KCNT2: variants seen among roughly 807,000 people sequenced by gnomAD.
The protein encoded by KCNT2 is potassium channel subfamily T member 2.
KCNT2 carries 67 observed loss-of-function variants against 153.8 expected under a neutral mutation model. The observed-to-expected ratio is 0.44, with a 90% CI of 0.36 to 0.53. The LOEUF (loss-of-function observed/expected upper bound fraction) is 0.53, where lower values mean the gene tolerates loss of function less well. Ranked by LOEUF, KCNT2 falls within the 20% of genes least tolerant of loss-of-function variation. KCNT2 has a pLI of 0.00. For synonymous variants in KCNT2, 500 were observed against 458.8 expected, an observed-to-expected ratio of 1.09 and a Z score of -1.15; for missense variants, 975 against 1,354.8, an observed-to-expected ratio of 0.72 and a Z score of 4.40.
intron 27 of KCNT2, among the ~76,000 whole-genome samples, chr1:196,234,755 A>C (rs1234867938): frequency 1.3e-5 from 2 of 151,416 alleles, no homozygotes; most frequent in African/African-American, 2.4e-5. Flanking sequence ...AGCATAACAA[A>C]ATGTTCTCAG....
intron 14 of KCNT2, among the ~76,000 whole-genome samples, chr1:196,355,945 G>T (rs1349078403): frequency 1.3e-5 from 2 of 151,708 alleles, no homozygotes; most frequent in Non-Finnish European, 2.9e-5. Context: ...CTATTCAAGT[G>T]CTTCATGCCA....
intron 23 of KCNT2, among the ~76,000 whole-genome samples, chr1:196,282,654 G>A (rs1285446630): frequency 6.6e-6 from 1 of 151,978 alleles, no homozygotes; most frequent in Non-Finnish European, 1.5e-5. Flanking sequence ...AATTTTTAAA[G>A]CAAAAACCCC....
chr1:196,253,641 C>T (rs1374208842), intron 26 of KCNT2, among the ~76,000 whole-genome samples: 1 of 151,456 alleles, frequency 6.6e-6, no homozygotes, highest in Non-Finnish European at 1.5e-5. Flanking sequence ...CTTCCTTTGT[C>T]CAAAGTCTGC....
At chr1:196,290,568 A>G (rs983338313) in intron 22 of KCNT2, among the ~76,000 whole-genome samples, 19 of 150,370 alleles carry the variant, frequency 1.3e-4, no homozygotes, top group South Asian at 4.2e-4. Flanking sequence ...GTATAGGTGT[A>G]TATATATATA....
At chr1:196,492,053 C>T (rs919254842) in intron 2 of KCNT2, among the ~76,000 whole-genome samples, 4 of 152,010 alleles carry the variant, frequency 2.6e-5, no homozygotes, top group Non-Finnish European at 5.9e-5. Context: ...GTTCAAGAAG[C>T]ATTAATATCA....
chr1:196,581,001 C>A (rs1661969116), intron 1 of KCNT2, among the ~76,000 whole-genome samples: 1 of 152,032 alleles, frequency 6.6e-6, no homozygotes, highest in Admixed American at 6.6e-5. Flanking sequence ...TTGGCAAGAA[C>A]ATTTTTTAAA....
At chr1:196,526,015 CTGTGTGTG>C (rs369541629) in intron 1 of KCNT2, among the ~76,000 whole-genome samples, 1,403 of 140,124 alleles carry the variant, frequency 0.01, 26 homozygotes, top group African/African-American at 0.034. Context: ...AGAACTGACT[CTGTGTGTG>C]TGTGTGTGTG....
chr1:196,328,682 C>A (rs1413060246), intron 18 of KCNT2, among the ~76,000 whole-genome samples: 4 of 148,372 alleles, frequency 2.7e-5, no homozygotes, highest in Non-Finnish European at 5.9e-5. Flanking sequence ...GACTTGCACA[C>A]AAAGTAAACC....
chr1:196,295,562 C>T (rs1304066251), intron 22 of KCNT2, among the ~76,000 whole-genome samples: 2 of 151,658 alleles, frequency 1.3e-5, no homozygotes, highest in Non-Finnish European at 2.9e-5. Flanking sequence ...TGGCAATCCC[C>T]ATTGGGTGAA....
chr1:196,338,203 T>G (rs143294952), intron 16 of KCNT2, among the ~76,000 whole-genome samples: 24 of 152,140 alleles, frequency 1.6e-4, no homozygotes, highest in African/African-American at 5.8e-4. Context: ...ACTTAGGGAA[T>G]GTTGGGGTGT....
intron 20 of KCNT2, 121 bp from the exon 21 acceptor site, chr1:196,316,147 G>C: frequency 1.5e-6 from 1 of 656,844 alleles, no homozygotes; most frequent in Non-Finnish European, 2.5e-6. Flanking sequence ...GGCTTTTACA[G>C]AGTGTGCACA....
At chr1:196,510,350 C>T (rs1053775386) in intron 1 of KCNT2, among the ~76,000 whole-genome samples, 2 of 152,116 alleles carry the variant, frequency 1.3e-5, no homozygotes, top group African/African-American at 4.8e-5. Context: ...GGGACTGAGG[C>T]ATTTGCCCAA....
At chr1:196,594,629 A>G (rs1387572777) in intron 1 of KCNT2, among the ~76,000 whole-genome samples, 1 of 152,162 alleles carries the variant, frequency 6.6e-6, no homozygotes, top group Non-Finnish European at 1.5e-5. Flanking sequence ...AAGCATAATT[A>G]TAAAACAAAA....
chr1:196,333,198 A>G (rs1323629928), intron 17 of KCNT2, among the ~76,000 whole-genome samples: 1 of 151,886 alleles, frequency 6.6e-6, no homozygotes, highest in East Asian at 1.9e-4. Context: ...TCCACAGTCA[A>G]GCCTGTGGAC....
intron 5 of KCNT2, among the ~76,000 whole-genome samples, chr1:196,473,416 G>A (rs897066519): frequency 1.3e-5 from 2 of 152,110 alleles, no homozygotes; most frequent in Admixed American, 6.6e-5. Context: ...TACTCCTAGC[G>A]CAGTGCTTGA....
chr1:196,501,405 TA>T (rs1251462496), intron 1 of KCNT2, among the ~76,000 whole-genome samples: 5 of 151,962 alleles, frequency 3.3e-5, no homozygotes, highest in East Asian at 3.9e-4. Context: ...TGTTTGGGTA[TA>T]AAAAAAGAAA....
At chr1:196,237,198 A>T (rs1654521634) in intron 26 of KCNT2, among the ~76,000 whole-genome samples, 1 of 151,772 alleles carries the variant, frequency 6.6e-6, no homozygotes, top group Non-Finnish European at 1.5e-5. Context: ...GCACTGGAAT[A>T]TAAATTACAT....
chr1:196,454,830 G>C (rs140620475), intron 8 of KCNT2, among the ~76,000 whole-genome samples: 1,791 of 152,012 alleles, frequency 0.012, 34 homozygotes, highest in African/African-American at 0.041. Context: ...GTCTAGGTAG[G>C]CTCAGCCGGT....
intron 25 of KCNT2, among the ~76,000 whole-genome samples, chr1:196,271,704 A>G (rs1658078398): frequency 6.6e-6 from 1 of 151,974 alleles, no homozygotes; most frequent in Non-Finnish European, 1.5e-5. Context: ...ACAGAATTAC[A>G]GATGAGCTCA....
Sources: allele counts gnomAD v4.1 joint callset (sites outside exome capture counted in the v4.1 genomes callset), GRCh38; gene constraint gnomAD v4.1.1; transcripts MANE v1.5; gene names NCBI Gene and HGNC (gene_info 2026-07-23, HGNC 2026-07-21).